The following OGFRL1 variants were observed in gnomAD, a reference collection of about 807,000 sequenced individuals.
OGFRL1 encodes the protein opioid growth factor receptor-like protein 1.
OGFRL1 carries 26 observed loss-of-function variants against 32.4 expected under a neutral mutation model. That is an observed-to-expected ratio of 0.80 (90% CI 0.59 to 1.11). OGFRL1 has a LOEUF of 1.11. OGFRL1 is among the 50% of genes most tolerant of loss of function. The pLI, the probability that OGFRL1 is intolerant of heterozygous loss-of-function variation, is 0.00. For synonymous variants in OGFRL1, 211 were observed against 201.2 expected, an observed-to-expected ratio of 1.05 and a Z score of -0.41; for missense variants, 521 against 546.4, an observed-to-expected ratio of 0.95 and a Z score of 0.46.
chr6:71,305,164 A>C lies in OGFRL1; in HGVS notation c.*3115A>C, dbSNP rs928706833. ...TCTTTATTGTTGTACTGTGGAGTGC[A>C]AGGATACTAAATATTGGCTATTGAT... On this transcript the variant is annotated 3_prime_UTR_variant, in exon 7 of 7. Coordinates refer to ENST00000370435, the MANE Select transcript of OGFRL1 (RefSeq NM_024576.5). 2 of 152,068 alleles carry C rather than the reference A, an allele frequency of 1.3e-5. No individual in the cohort carries two copies. The highest frequency in any genetic ancestry group is 4.8e-5 in the African/African-American group (2 of 41,452). The allele number at this position is 152,068 out of a possible 1,614,324, so 9.4% of individuals were successfully genotyped here. A position where few individuals can be genotyped will look rare whatever the true frequency, so the allele number is the denominator to read the frequency against.
Position 71,307,894 on chromosome 6 carries a change from C to G in OGFRL1, c.*5845C>G, listed in dbSNP as rs569662910. 3 of 152,074 alleles carry G rather than the reference C, an allele frequency of 2.0e-5. No individual in the cohort carries two copies. In the South Asian group the frequency reaches 6.2e-4, roughly 32 times the overall value. 9.4% of individuals were successfully genotyped at this position (152,074 alleles called of 1,614,324 possible). A position where few individuals can be genotyped will look rare whatever the true frequency, so the allele number is the denominator to read the frequency against. On this transcript the variant is annotated 3_prime_UTR_variant, in exon 7 of 7. Coordinates refer to ENST00000370435, the MANE Select transcript of OGFRL1 (RefSeq NM_024576.5). ...CTCACCACAGAAATAAAGACATAAC[C>G]CTTGATAAGTTTGTGTAAGTGCCAG...
At chr6:71,290,178 T>C (rs1357895777) in intron 1 of OGFRL1, among the ~76,000 whole-genome samples, 1 of 152,198 alleles carries the variant, frequency 6.6e-6, no homozygotes, top group Non-Finnish European at 1.5e-5. Context: ...GGGTGTTTGC[T>C]GTGTGGTCTC....
chr6:71,296,779 G>A lies in OGFRL1; in HGVS notation c.654G>A (p.Arg218=), dbSNP rs560452147. Residue 218 remains arginine, a synonymous_variant, in exon 6 of 7, where the codon CGG becomes CGA. Transcript: ENST00000370435. ...CTGATAAAACTGGAAATGTTGCTCG[G>A]GCTGTTAACTGGCAGGAAAGATTTC... is the stretch of plus-strand genomic sequence containing the variant. ...KLTDKTGNVA[R]AVNWQERFQH... 8.1e-6 allele frequency: 13 copies of A among 1,613,328 alleles called. No homozygotes were observed. The highest frequency in any genetic ancestry group is 1.7e-4 in the Middle Eastern group (1 of 6,058).
rs1269861995 is a variant in OGFRL1 at position 71,304,309 on chromosome 6, T to C, written c.*2260T>C. 6.6e-6 allele frequency: 1 copy of C among 152,172 alleles called. No individual in the cohort carries two copies. Among genetic ancestry groups the C allele is most frequent in the African/African-American group, 2.4e-5 (1 of 41,448 alleles). The allele number at this position is 152,172 out of a possible 1,614,324, so 9.4% of individuals were successfully genotyped here. On this transcript the variant is annotated 3_prime_UTR_variant, in exon 7 of 7. Transcript: ENST00000370435. ...TTGGCAATCTGCTTTTGCATTTCAATTTCTGTTTTACATGCAAGAAAAACA... is the reference window on the plus strand; with the variant it reads ...TTGGCAATCTGCTTTTGCATTTCAACTTCTGTTTTACATGCAAGAAAAACA...
chr6:71,293,734 G>T, intron 3 of OGFRL1, 123 bp downstream of exon 3: 6 of 629,490 alleles, frequency 9.5e-6, no homozygotes, highest in Non-Finnish European at 1.7e-5. Context: ...GTGTCCCCTT[G>T]GTAAATTCTG....
intron 6 of OGFRL1, 130 bp downstream of exon 6, chr6:71,296,947 A>G: frequency 9.9e-7 from 1 of 1,011,562 alleles, no homozygotes; most frequent in Non-Finnish European, 1.4e-6. Flanking sequence ...AGCTAGTCTG[A>G]AATGCATTAC....
Position 71,307,235 on chromosome 6 carries a change from T to G in OGFRL1, c.*5186T>G, listed in dbSNP as rs1393867838. The G allele has an allele frequency of 6.6e-6, 1 of 152,224 alleles. No homozygotes were observed. Among genetic ancestry groups the G allele is most frequent in the East Asian group, 1.9e-4 (1 of 5,192 alleles). 9.4% of individuals were successfully genotyped at this position (152,224 alleles called of 1,614,324 possible). ...CAGGAAAGTGGCGCCAGTGCTGGGCTCCAGCCTTCTCCACTGGCATGATGG... is the reference window on the plus strand; with the variant it reads ...CAGGAAAGTGGCGCCAGTGCTGGGCGCCAGCCTTCTCCACTGGCATGATGG... On this transcript the variant is annotated 3_prime_UTR_variant, in exon 7 of 7. Coordinates refer to ENST00000370435, the MANE Select transcript of OGFRL1 (RefSeq NM_024576.5).
At position 71,296,762 on chromosome 6, in the gene OGFRL1, ACTGGAAATGTTGCTCGGG is replaced by A. The variant is rs1468362707; in HGVS notation, c.641_658del (p.Gly214_Ala219del). On this transcript the variant is annotated inframe_deletion, in exon 6 of 7. Coordinates refer to ENST00000370435, the MANE Select transcript of OGFRL1 (RefSeq NM_024576.5). Reference sequence around the variant, plus strand: ...TTTTGGAATAAAACTGACTGATAAAACTGGAAATGTTGCTCGGGCTGTTAACTGGCAGGAAAGATTTCA... The same window carrying A: ...TTTTGGAATAAAACTGACTGATAAAACTGTTAACTGGCAGGAAAGATTTCA... The A allele has an allele frequency of 1.9e-6, 3 of 1,613,580 alleles. No homozygotes were observed. The highest frequency in any genetic ancestry group is 2.5e-6 in the Non-Finnish European group (3 of 1,179,718).
rs1057055316 is a variant in OGFRL1 at position 71,307,125 on chromosome 6, C to A, written c.*5076C>A. ...AACTAAAGTTTTCATGTAGAGAATA[C>A]AATTAAATGTTTTGTGTTATGACCC... On this transcript the variant is annotated 3_prime_UTR_variant, in exon 7 of 7. Transcript: ENST00000370435. The A allele has an allele frequency of 2.6e-5, 4 of 152,036 alleles. No homozygotes were observed. Among genetic ancestry groups the A allele is most frequent in the African/African-American group, 9.7e-5 (4 of 41,376 alleles). The allele number at this position is 152,036 out of a possible 1,614,324, so 9.4% of individuals were successfully genotyped here. A position where few individuals can be genotyped will look rare whatever the true frequency, so the allele number is the denominator to read the frequency against.
At chr6:71,290,570 C>T (rs1766019535) in intron 1 of OGFRL1, among the ~76,000 whole-genome samples, 1 of 152,200 alleles carries the variant, frequency 6.6e-6, no homozygotes, top group Admixed American at 6.5e-5. Context: ...ACTACACCAG[C>T]CCTCCCTATT....
At position 71,301,520 on chromosome 6, in the gene OGFRL1, A is replaced by C; in HGVS notation, c.827A>C (p.Lys276Thr). ...ALVENTIPNIKQSALEYFVYT... is the reference protein window; with the variant it reads ...ALVENTIPNITQSALEYFVYT... ...GTGGAGAATACTATTCCCAATATTAAGCAGAGTGCTCTAGAGTATTTTGTT... is the reference window on the plus strand; with the variant it reads ...GTGGAGAATACTATTCCCAATATTACGCAGAGTGCTCTAGAGTATTTTGTT... Residue 276 changes from lysine (K) to threonine (T), a missense_variant, in exon 7 of 7, where the codon AAG becomes ACG. Coordinates refer to ENST00000370435, the MANE Select transcript of OGFRL1 (RefSeq NM_024576.5). 6.2e-7 allele frequency: 1 copy of C among 1,614,170 alleles called. No individual in the cohort carries two copies.
At chr6:71,294,619 C>A (rs771019351) in intron 3 of OGFRL1, among the ~76,000 whole-genome samples, 8 of 152,124 alleles carry the variant, frequency 5.3e-5, no homozygotes, top group African/African-American at 2.4e-5. Context: ...GTTGACGTGG[C>A]CAGATCTACT....
Position 71,301,682 on chromosome 6 carries a change from C to T in OGFRL1, c.989C>T (p.Ser330Phe). Reference sequence around the variant, plus strand: ...GGAAGCAAAGCCCAGAAAATGTCTTCCCCTCTCGCCTCCAGTCATAACAGT... The same window carrying T: ...GGAAGCAAAGCCCAGAAAATGTCTTTCCCTCTCGCCTCCAGTCATAACAGT... ...SEGSKAQKMSSPLASSHNSQT... is the reference protein window; with the variant it reads ...SEGSKAQKMSFPLASSHNSQT... Residue 330 changes from serine to phenylalanine, a missense_variant, in exon 7 of 7, where the codon TCC becomes TTC. Physicochemically the swap from Ser to Phe is radical, Grantham distance 155. Transcript: ENST00000370435. 1 of 1,613,960 alleles carries T rather than the reference C, an allele frequency of 6.2e-7. No homozygotes were observed. The highest frequency in any genetic ancestry group is 8.5e-7 in the Non-Finnish European group (1 of 1,179,986).
rs1339772878 is a variant in OGFRL1, at chr6:71,302,845, T to C, written c.*796T>C. The C allele has an allele frequency of 2.0e-5, 3 of 152,226 alleles. No homozygotes were observed. Among genetic ancestry groups the C allele is most frequent in the African/African-American group, 7.2e-5 (3 of 41,460 alleles). 9.4% of individuals were successfully genotyped at this position (152,226 alleles called of 1,614,324 possible). ...GAAACTAATTTGGATTCTTTGATTCTAGTATCTCAACGTGTTTATTTTTAG... is the reference window on the plus strand; with the variant it reads ...GAAACTAATTTGGATTCTTTGATTCCAGTATCTCAACGTGTTTATTTTTAG... On this transcript the variant is annotated 3_prime_UTR_variant, in exon 7 of 7. Coordinates refer to ENST00000370435, the MANE Select transcript of OGFRL1 (RefSeq NM_024576.5).
intron 1 of OGFRL1, chr6:71,291,462 G>A (rs1325864173): frequency 6.6e-6 from 1 of 152,172 alleles, no homozygotes; most frequent in East Asian, 1.9e-4. Context: ...CCTGGGTCAA[G>A]GAATGTTTTG....
chr6:71,301,394 A>C lies in OGFRL1; in HGVS notation c.701A>C (p.His234Pro), dbSNP rs1173766290. ...ERFQHLNESQ[H>P]NYLRITRILK... ...TCAATCCTCTCTTCCAGGTCCCAGCACAACTATTTAAGAATCACTCGTATT... is the reference window on the plus strand; with the variant it reads ...TCAATCCTCTCTTCCAGGTCCCAGCCCAACTATTTAAGAATCACTCGTATT... Residue 234 changes from histidine to proline, a missense_variant, in exon 7 of 7, where the codon CAC becomes CCC. His to Pro is a moderately conservative substitution (Grantham distance 77, BLOSUM62 -2). Transcript: ENST00000370435. 3.2e-6 allele frequency: 5 copies of C among 1,574,862 alleles called. No individual in the cohort carries two copies. Among genetic ancestry groups the C allele is most frequent in the Non-Finnish European group, 4.3e-6 (5 of 1,162,992 alleles).
rs1242442604 is a variant in OGFRL1, at chr6:71,288,842, C to T, written c.-95C>T. The T allele has an allele frequency of 5.8e-5, 54 of 935,550 alleles. No individual in the cohort carries two copies. The highest frequency in any genetic ancestry group is 6.5e-5 in the Non-Finnish European group (50 of 773,348). The allele number at this position is 935,550 out of a possible 1,614,324, so 58.0% of individuals were successfully genotyped here. ...GGGCGGGCGCGCCTAGGCTGCCGCC[C>T]AGCGCCCTCGCCGCGGCCATGCCCG... On this transcript the variant is annotated 5_prime_UTR_variant, in exon 1 of 7. Coordinates refer to ENST00000370435, the MANE Select transcript of OGFRL1 (RefSeq NM_024576.5).
Position 71,307,538 on chromosome 6 carries a change from C to T in OGFRL1, c.*5489C>T, listed in dbSNP as rs1273445035. ...TAATTAAAAAATTAGGGAAGTTGTTCATTCACAGCTGTATATTAATATAAA... is the reference window on the plus strand; with the variant it reads ...TAATTAAAAAATTAGGGAAGTTGTTTATTCACAGCTGTATATTAATATAAA... On this transcript the variant is annotated 3_prime_UTR_variant, in exon 7 of 7. Coordinates refer to ENST00000370435, the MANE Select transcript of OGFRL1 (RefSeq NM_024576.5). 1 of 151,888 alleles carries T rather than the reference C, an allele frequency of 6.6e-6. No individual in the cohort carries two copies. Among genetic ancestry groups the T allele is most frequent in the Non-Finnish European group, 1.5e-5 (1 of 67,992 alleles). 9.4% of individuals were successfully genotyped at this position (151,888 alleles called of 1,614,324 possible). A position where few individuals can be genotyped will look rare whatever the true frequency, so the allele number is the denominator to read the frequency against.
chr6:71,300,774 G>T (rs1309287445), intron 6 of OGFRL1, among the ~76,000 whole-genome samples: 2 of 152,082 alleles, frequency 1.3e-5, no homozygotes, highest in East Asian at 1.9e-4. Flanking sequence ...ACAGAGCCAG[G>T]GTGTGAACTC....
Sources: gnomAD v4.1 joint callset for allele counts (sites outside exome capture counted in the v4.1 genomes callset) on GRCh38, gnomAD v4.1.1 for gene constraint, MANE v1.5 for transcripts, NCBI Gene and HGNC (gene_info 2026-07-23, HGNC 2026-07-21) for gene names.